The following AKAP11 variants were observed in gnomAD, a reference collection of about 807,000 sequenced individuals.
AKAP11 encodes A-kinase anchoring protein 11.
Under a neutral mutation model 146.1 loss-of-function variants are expected in AKAP11, and 36 were observed. That is an observed-to-expected ratio of 0.25 (90% CI 0.19 to 0.33). The LOEUF (loss-of-function observed/expected upper bound fraction) is 0.33, where lower values mean the gene tolerates loss of function less well. Ranked by LOEUF, AKAP11 falls within the 10% of genes least tolerant of loss-of-function variation. The pLI, the probability that AKAP11 is intolerant of heterozygous loss-of-function variation, is 1.00. For synonymous variants in AKAP11, 780 were observed against 786.5 expected, an observed-to-expected ratio of 0.99 and a Z score of 0.14; for missense variants, 2,201 against 2,197.0, an observed-to-expected ratio of 1.00 and a Z score of -0.04.
Position 42,302,173 on chromosome 13 carries a change from A to G in AKAP11, c.3427A>G (p.Asn1143Asp). ...APATPPSTPH[N>D]SSVGSLSENE... ...TGCTACACCACCTTCTACTCCACAC[A>G]ACTCATCTGTTGGTAGTTTGTCTGA... is the stretch of plus-strand genomic sequence containing the variant. The change falls in exon 8 of 13, where the codon AAC becomes GAC. Residue 1143 changes from asparagine to aspartate, a missense_variant. Asn to Asp is a conservative substitution (Grantham distance 23). Around this residue, in one of 3 missense-constraint regions of AKAP11, gnomAD observed 1,867 missense variants for 1,833.5 expected, o/e 1.02. Transcript: ENST00000025301. 6.2e-7 allele frequency: 1 copy of G among 1,614,182 alleles called. No homozygotes were observed. The highest frequency in any genetic ancestry group is 8.5e-7 in the Non-Finnish European group (1 of 1,180,002).
At chr13:42,290,982 A>G (rs1270646337) in intron 3 of AKAP11, among the ~76,000 whole-genome samples, 1 of 152,240 alleles carries the variant, frequency 6.6e-6, no homozygotes, top group Non-Finnish European at 1.5e-5. Flanking sequence ...TTCAGTGGAA[A>G]AAAGGTAGTA....
chr13:42,305,375 T>G (rs1960199187), intron 8 of AKAP11, among the ~76,000 whole-genome samples: 1 of 152,142 alleles, frequency 6.6e-6, no homozygotes, highest in African/African-American at 2.4e-5. Flanking sequence ...TGATGTAGGT[T>G]TCTGGTGAAC....
At chr13:42,288,291 T>G (rs918876322) in intron 3 of AKAP11, among the ~76,000 whole-genome samples, 1 of 152,188 alleles carries the variant, frequency 6.6e-6, no homozygotes, top group Admixed American at 6.5e-5. Context: ...TTCTAACATT[T>G]TATTATGAAA....
chr13:42,304,911 C>G (rs1960173076), intron 8 of AKAP11, among the ~76,000 whole-genome samples: 1 of 152,078 alleles, frequency 6.6e-6, no homozygotes, highest in African/African-American at 2.4e-5. Flanking sequence ...CCACCACGCC[C>G]AGCTAATTTT....
In AKAP11 at chr13:42,317,716, G is replaced by A. The variant is rs769012783; in HGVS notation, c.5565+28G>A. ...AAGTACCTACCTTACAGAGTGTGAG[G>A]ATACATTTAACAGTATATGATGTTC... On this transcript the variant is annotated intron_variant, in intron 12 of 12. Coordinates refer to ENST00000025301, the MANE Select transcript of AKAP11 (RefSeq NM_016248.4). 6.2e-6 allele frequency: 10 copies of A among 1,604,096 alleles called. No homozygotes were observed. In the Middle Eastern group the frequency reaches 5.0e-4, roughly 80 times the overall value.
In AKAP11 at chr13:42,276,682, T is replaced by C. The variant is rs1361882998; in HGVS notation, c.-100+4454T>C. ...TCCCAGGCTTAAAACCTTAAAGTTA[T>C]TTTTCACATTCTTCTTTTTTTATGC... is the stretch of plus-strand genomic sequence containing the variant. On this transcript the variant is annotated intron_variant, in intron 1 of 12. Coordinates refer to ENST00000025301, the MANE Select transcript of AKAP11 (RefSeq NM_016248.4). Among the ~76,000 whole-genome samples the C allele has an allele frequency of 5.3e-5, 8 of 152,378 alleles. No individual in the cohort carries two copies. The East Asian group carries it at 1.5e-3, about 29-fold the overall frequency.
chr13:42,301,922 C>T lies in AKAP11; in HGVS notation c.3176C>T (p.Ser1059Phe). Residue 1059 changes from serine to phenylalanine, a missense_variant, in exon 8 of 13, where the codon TCT becomes TTT. This residue lies in a region of AKAP11 where 1,867 missense variants were observed against 1,833.5 expected (regional missense o/e 1.02). Transcript: ENST00000025301. ...NLNSTSLEALSFGQENPFPHS... is the reference protein window; with the variant it reads ...NLNSTSLEALFFGQENPFPHS... ...AATAGTACATCACTTGAGGCCTTGT[C>T]TTTTGGACAGGAAAACCCCTTTCCT... 6.2e-7 allele frequency: 1 copy of T among 1,614,162 alleles called. No homozygotes were observed. Among genetic ancestry groups the T allele is most frequent in the Non-Finnish European group, 8.5e-7 (1 of 1,180,008 alleles).
intron 1 of AKAP11, among the ~76,000 whole-genome samples, chr13:42,277,897 A>G (rs931286090): frequency 1.3e-5 from 2 of 152,246 alleles, no homozygotes; most frequent in African/African-American, 2.4e-5. Context: ...AGTCCAGTGC[A>G]GGGCATAGAC....
chr13:42,299,531 C>A lies in AKAP11; in HGVS notation c.785C>A (p.Pro262His). The change falls in exon 8 of 13, where the codon CCT (proline) becomes CAT (histidine). Residue 262 changes from proline (P) to histidine (H), a missense_variant. Physicochemically the swap from Pro to His is moderately conservative, Grantham distance 77. Around this residue, in one of 3 missense-constraint regions of AKAP11, gnomAD observed 331 missense variants for 347.4 expected, o/e 0.95. Transcript: ENST00000025301. ...SVNVLGHKEL[P>H]SVKTSVTTSI... ...AATGTCCTGGGACATAAAGAACTACCTTCTGTGAAAACTTCAGTCACAACA... is the reference window on the plus strand; with the variant it reads ...AATGTCCTGGGACATAAAGAACTACATTCTGTGAAAACTTCAGTCACAACA... The A allele has an allele frequency of 1.2e-6, 2 of 1,613,952 alleles. No homozygotes were observed.
intron 7 of AKAP11, 108 bp from the exon 8 acceptor site, chr13:42,299,255 A>T: frequency 2.3e-6 from 2 of 879,128 alleles, no homozygotes; most frequent in African/African-American, 3.4e-5. Context: ...AGTTTAGAAG[A>T]TACACATAAA....
At position 42,297,147 on chromosome 13, in the gene AKAP11, A is replaced by C. The variant is rs2138559236; in HGVS notation, c.316A>C (p.Lys106Gln). The C allele has an allele frequency of 6.4e-7, 1 of 1,569,108 alleles. No individual in the cohort carries two copies. The highest frequency in any genetic ancestry group is 2.3e-5 in the East Asian group (1 of 42,730). Residue 106 changes from lysine to glutamine, a missense_variant, in exon 6 of 13, where the codon AAA (lysine) becomes CAA (glutamine). Around this residue, in one of 3 missense-constraint regions of AKAP11, gnomAD observed 331 missense variants for 347.4 expected, o/e 0.95. Transcript: ENST00000025301. ...NEIICMKNIN[K>Q]PLDISSDPLN... ...AATTATTTGTATGAAGAATATAAAT[A>C]AACCATTAGATATAAGCAGTGATCC...
At chr13:42,317,768 G>A in intron 12 of AKAP11, 80 bp downstream of exon 12, 1 of 1,453,168 alleles carries the variant, frequency 6.9e-7, no homozygotes, top group Non-Finnish European at 9.3e-7. Flanking sequence ...CTAACAAGAT[G>A]CCTGGTGATG....
intron 6 of AKAP11, among the ~76,000 whole-genome samples, chr13:42,297,421 A>C (rs1000289280): frequency 2.0e-5 from 3 of 151,940 alleles, no homozygotes; most frequent in Non-Finnish European, 4.4e-5. Flanking sequence ...GATGGTATGC[A>C]AGTACATGTT....
chr13:42,294,483 A>G (rs1309440209), intron 4 of AKAP11, among the ~76,000 whole-genome samples: 1 of 151,822 alleles, frequency 6.6e-6, no homozygotes, highest in Non-Finnish European at 1.5e-5. Context: ...GCTCATTGCA[A>G]CCTCCACCTC....
chr13:42,305,354 G>C (rs1337116149), intron 8 of AKAP11, among the ~76,000 whole-genome samples: 1 of 152,150 alleles, frequency 6.6e-6, no homozygotes, highest in African/African-American at 2.4e-5. Context: ...GCGTCTACTT[G>C]AGATGAGAGA....
intron 8 of AKAP11, among the ~76,000 whole-genome samples, chr13:42,307,930 A>G (rs998204751): frequency 1.3e-5 from 2 of 152,242 alleles, no homozygotes; most frequent in Non-Finnish European, 2.9e-5. Context: ...ATGGAATAAA[A>G]GTATAAATGC....
chr13:42,310,600 C>T (rs2138673172), intron 9 of AKAP11, among the ~76,000 whole-genome samples: 1 of 152,274 alleles, frequency 6.6e-6, no homozygotes. Flanking sequence ...CGCCTGTAAT[C>T]CCAGAACTCT....
At chr13:42,294,220 GATT>G (rs1959368426) in intron 4 of AKAP11, among the ~76,000 whole-genome samples, 1 of 152,060 alleles carries the variant, frequency 6.6e-6, no homozygotes, top group Admixed American at 6.6e-5. Context: ...CTTGAGAATC[GATT>G]ATTAATATTG....
Position 42,302,774 on chromosome 13 carries a change from A to G in AKAP11, c.4028A>G (p.Asp1343Gly), listed in dbSNP as rs1365311695. The G allele has an allele frequency of 3.1e-6, 5 of 1,614,058 alleles. No homozygotes were observed. In the South Asian group the frequency reaches 4.4e-5, roughly 14 times the overall value. The stretch of plus-strand genomic sequence containing the variant: ...TATCCCAGCTGTGAAAGTGTGACAG[A>G]TGAATATGCAGGTCACCTTATTCAG... ...YKYPSCESVT[D>G]EYAGHLIQIL... Residue 1343 changes from aspartate (D) to glycine (G), a missense_variant, in exon 8 of 13, where the codon GAT becomes GGT. This residue lies in a region of AKAP11 where 1,867 missense variants were observed against 1,833.5 expected (regional missense o/e 1.02). Transcript: ENST00000025301.
Sources: gnomAD v4.1 joint callset for allele counts (sites outside exome capture counted in the v4.1 genomes callset) on GRCh38, gnomAD v4.1.1 for gene constraint, gnomAD v4.1.1 regional missense constraint, MANE v1.5 for transcripts, NCBI Gene and HGNC (gene_info 2026-07-23, HGNC 2026-07-21) for gene names.